Variants in PTPN12 observed in about 807,000 individuals in gnomAD.
PTPN12 encodes tyrosine-protein phosphatase non-receptor type 12.
In PTPN12, 29 loss-of-function variants were observed where a neutral mutation model predicts 97.6. The observed-to-expected ratio is 0.30, with a 90% CI of 0.22 to 0.41. PTPN12 has a LOEUF of 0.41. PTPN12 is among the 10% of genes least tolerant of loss of function. The probability of loss-of-function intolerance (pLI) is 1.00; values close to 1 mark genes in which losing one functional copy is unlikely to be tolerated. For synonymous variants in PTPN12, 327 were observed against 300.4 expected, an observed-to-expected ratio of 1.09 and a Z score of -0.91; for missense variants, 819 against 926.0, an observed-to-expected ratio of 0.88 and a Z score of 1.50.
intron 12 of PTPN12, among the ~76,000 whole-genome samples, chr7:77,625,468 G>GCTCTCTCTCTCTCTCTCTCTCTCT (rs139289279): frequency 2.8e-4 from 7 of 24,756 alleles, no homozygotes; most frequent in African/African-American, 7.4e-4. Context: ...TGCCCAGGCT[G>GCTCTCTCTCTCTCTCTCTCTCTCT]CTCGCTCTCT....
At chr7:77,623,646 G>A (rs1261012119) in intron 12 of PTPN12, among the ~76,000 whole-genome samples, 2 of 152,150 alleles carry the variant, frequency 1.3e-5, no homozygotes, top group South Asian at 2.1e-4. Context: ...GGGAGGCGGC[G>A]GAGGTTGCAG....
rs1455201803 is a variant in PTPN12 at position 77,632,364 on chromosome 7, A to G, written c.2013A>G (p.Glu671=). ...TTAATTTAGATGTTGATGTTAGTGA[A>G]GATTCACCTCCTCCCCTACCTGAAA... is the stretch of plus-strand genomic sequence containing the variant. The part of the protein sequence containing the change: ...SGAEKDVDVS[E]DSPPPLPERT... Residue 671 remains glutamate (E), a synonymous_variant, in exon 14 of 18, where the codon GAA becomes GAG. Coordinates refer to ENST00000248594, the MANE Select transcript of PTPN12 (RefSeq NM_002835.4). The G allele has an allele frequency of 6.2e-7, 1 of 1,607,164 alleles. No individual in the cohort carries two copies. The highest frequency in any genetic ancestry group is 1.3e-5 in the African/African-American group (1 of 74,788).
At chr7:77,620,729 C>T (rs1437741982) in intron 12 of PTPN12, among the ~76,000 whole-genome samples, 1 of 151,654 alleles carries the variant, frequency 6.6e-6, no homozygotes, top group Non-Finnish European at 1.5e-5. Context: ...GCAGGCGGAT[C>T]ACAAGGTCAG....
intron 6 of PTPN12, among the ~76,000 whole-genome samples, chr7:77,592,990 C>T (rs1787914131): frequency 6.6e-6 from 1 of 152,140 alleles, no homozygotes; most frequent in African/African-American, 2.4e-5. Flanking sequence ...TTAATTTAGG[C>T]CAGGCACAGT....
intron 7 of PTPN12, among the ~76,000 whole-genome samples, chr7:77,600,260 C>T (rs917366883): frequency 2.0e-5 from 3 of 152,080 alleles, no homozygotes; most frequent in African/African-American, 7.2e-5. Flanking sequence ...ATGGTGCTTA[C>T]GGTATATTGC....
intron 1 of PTPN12, among the ~76,000 whole-genome samples, chr7:77,562,423 GT>G (rs1355365433): frequency 6.6e-6 from 1 of 152,178 alleles, no homozygotes; most frequent in Non-Finnish European, 1.5e-5. Flanking sequence ...TACTTTGGGA[GT>G]CTGGGTTTGG....
intron 7 of PTPN12, 136 bp from the exon 8 acceptor site, chr7:77,600,528 A>G (rs950804991): frequency 1.1e-5 from 7 of 646,080 alleles, no homozygotes; most frequent in Non-Finnish European, 1.8e-5. Context: ...AGTGTTGGCT[A>G]TTATTTATTT....
chr7:77,590,072 C>A (rs1160058128), intron 5 of PTPN12, among the ~76,000 whole-genome samples: 1 of 152,214 alleles, frequency 6.6e-6, no homozygotes, highest in African/African-American at 2.4e-5. Flanking sequence ...TTAAATCAGA[C>A]AAACCTACCT....
At position 77,623,316 on chromosome 7, in the gene PTPN12, ATTG is replaced by A. The variant is rs543109493; in HGVS notation, c.1026-3383_1026-3381del. The stretch of plus-strand genomic sequence containing the variant: ...TCGATATCTGTCAAGCACTGTTCTA[ATTG>A]TTGTTCAGATGTTAACTCATTTAAT... On this transcript the variant is annotated intron_variant, in intron 12 of 17. Transcript: ENST00000248594. 2.6e-3 allele frequency among the ~76,000 whole-genome samples: 397 copies of A among 152,358 alleles called. 5 individuals are homozygous for A. The highest frequency in any genetic ancestry group is 9.0e-3 in the African/African-American group (374 of 41,578).
chr7:77,539,601 T>G (rs1806851476), intron 1 of PTPN12, among the ~76,000 whole-genome samples: 1 of 151,766 alleles, frequency 6.6e-6, no homozygotes, highest in African/African-American at 2.4e-5. Flanking sequence ...TTTTTTTGGG[T>G]TTTGTTGTTT....
At chr7:77,600,589 C>T (rs1788159778) in intron 7 of PTPN12, 75 bp from the exon 8 acceptor site, 2 of 1,232,624 alleles carry the variant, frequency 1.6e-6, no homozygotes, top group Admixed American at 6.2e-5. Context: ...TTAGAAATGG[C>T]AGTTTAAATG....
At chr7:77,619,964 A>G (rs771011813) in intron 12 of PTPN12, among the ~76,000 whole-genome samples, 13 of 152,196 alleles carry the variant, frequency 8.5e-5, no homozygotes, top group Non-Finnish European at 1.6e-4. Flanking sequence ...ACTGGTTGGC[A>G]TTTTAGCCGT....
At chr7:77,583,839 T>C in intron 4 of PTPN12, 189 bp downstream of exon 4, 1 of 445,782 alleles carries the variant, frequency 2.2e-6, no homozygotes, top group African/African-American at 2.0e-5. Flanking sequence ...AGGCTAAATA[T>C]TTTAAGAAGG....
chr7:77,586,481 G>A (rs7793985), intron 5 of PTPN12, among the ~76,000 whole-genome samples: 27,901 of 152,128 alleles, frequency 0.18, 3,045 homozygotes, highest in African/African-American at 0.3. Context: ...CACTTTGGGA[G>A]GTGGAGGTGG....
At chr7:77,605,411 T>TGG in intron 8 of PTPN12, among the ~76,000 whole-genome samples, 1 of 50,088 alleles carries the variant, frequency 2.0e-5, no homozygotes, top group African/African-American at 8.8e-5. Context: ...TGTCATGAGT[T>TGG]TTTTTTTTTT....
At chr7:77,555,695 G>A (rs1165178233) in intron 1 of PTPN12, among the ~76,000 whole-genome samples, 4 of 152,038 alleles carry the variant, frequency 2.6e-5, no homozygotes, top group African/African-American at 7.2e-5. Flanking sequence ...TGGGTGGATC[G>A]TGAGGTCATG....
intron 1 of PTPN12, among the ~76,000 whole-genome samples, chr7:77,543,848 T>G (rs558905752): frequency 6.6e-6 from 1 of 152,368 alleles, no homozygotes; most frequent in African/African-American, 2.4e-5. Flanking sequence ...CGTAGTACTT[T>G]TGGCCTTTTT....
chr7:77,636,347 C>A (rs1328600109), intron 15 of PTPN12, among the ~76,000 whole-genome samples: 2 of 151,884 alleles, frequency 1.3e-5, no homozygotes, highest in African/African-American at 4.8e-5. Context: ...CTTTGGGAGG[C>A]CAAGCAGAAG....
chr7:77,562,834 C>T (rs1351266966), intron 1 of PTPN12, among the ~76,000 whole-genome samples: 1 of 151,442 alleles, frequency 6.6e-6, no homozygotes, highest in Non-Finnish European at 1.5e-5. Context: ...TGGTATTCTA[C>T]TTTTATTTCC....
Sources: gnomAD v4.1 joint callset for allele counts (sites outside exome capture counted in the v4.1 genomes callset) on GRCh38, gnomAD v4.1.1 for gene constraint, MANE v1.5 for transcripts, NCBI Gene and HGNC (gene_info 2026-07-23, HGNC 2026-07-21) for gene names.